Variants in FAR1 observed in about 807,000 individuals in gnomAD.
The protein encoded by FAR1 is male sterility domain-containing protein 2.
Under a neutral mutation model 61.1 loss-of-function variants are expected in FAR1, and 22 were observed. That is an observed-to-expected ratio of 0.36 (90% CI 0.26 to 0.51). The LOEUF is 0.51. Ranked by LOEUF, FAR1 falls within the 20% of genes least tolerant of loss-of-function variation. The probability of loss-of-function intolerance (pLI) is 0.95; values close to 1 mark genes in which losing one functional copy is unlikely to be tolerated. For synonymous variants in FAR1, 206 were observed against 209.7 expected, an observed-to-expected ratio of 0.98 and a Z score of 0.15; for missense variants, 359 against 626.9, an observed-to-expected ratio of 0.57 and a Z score of 4.56.
intron 10 of FAR1, among the ~76,000 whole-genome samples, chr11:13,724,109 G>C (rs1317861866): frequency 6.6e-6 from 1 of 152,080 alleles, no homozygotes; most frequent in Non-Finnish European, 1.5e-5. Flanking sequence ...TTGAAGCCGG[G>C]ATTGAAATTG....
rs2134205552 is a variant in FAR1 at position 13,730,541 on chromosome 11, G to A, written c.*1767G>A. 1 of 152,122 alleles carries A rather than the reference G, an allele frequency of 6.6e-6. No homozygotes were observed. Among genetic ancestry groups the A allele is most frequent in the South Asian group, 2.1e-4 (1 of 4,828 alleles). The allele number at this position is 152,122 out of a possible 1,614,324, so 9.4% of individuals were successfully genotyped here. On this transcript the variant is annotated 3_prime_UTR_variant, in exon 12 of 12. Coordinates refer to ENST00000354817, the MANE Select transcript of FAR1 (RefSeq NM_032228.6). ...ATAATGATGCCTTTTATTTAAAGTGGCCCACATAATATACATTGAGTACTC... is the reference window on the plus strand; with the variant it reads ...ATAATGATGCCTTTTATTTAAAGTGACCCACATAATATACATTGAGTACTC...
rs1039158372 is a variant in FAR1, at chr11:13,729,302, A to G, written c.*528A>G. ...TATTTTCACATCATTCTGTAAGTTA[A>G]ATGATATCAAACATGAAAGAGATGT... On this transcript the variant is annotated 3_prime_UTR_variant, in exon 12 of 12. Transcript: ENST00000354817. The G allele has an allele frequency of 6.6e-6, 1 of 152,062 alleles. No individual in the cohort carries two copies. Among genetic ancestry groups the G allele is most frequent in the African/African-American group, 2.4e-5 (1 of 41,400 alleles). 9.4% of individuals were successfully genotyped at this position (152,062 alleles called of 1,614,324 possible). A position where few individuals can be genotyped will look rare whatever the true frequency, so the allele number is the denominator to read the frequency against.
rs71485207 is a variant in FAR1, at chr11:13,708,434, T to TGCGCGCGC, written c.545+362_545+369dup. On this transcript the variant is annotated intron_variant, in intron 4 of 11. Transcript: ENST00000354817. ...CTCCTCACCCCACCCCATATACATG[T>TGCGCGCGC]GCGCGCGCGCGCGCACACACACACA... Among the ~76,000 whole-genome samples, 136 of 134,404 alleles carry TGCGCGCGC rather than the reference T, an allele frequency of 1.0e-3. 1 individual carries two copies. The highest frequency in any genetic ancestry group is 3.2e-3 in the African/African-American group (114 of 35,940). The allele number at this position is 134,404 out of a possible 152,430, so 88.2% of individuals were successfully genotyped here.
At chr11:13,698,908 GCA>G (rs1848338934) in intron 2 of FAR1, among the ~76,000 whole-genome samples, 1 of 152,042 alleles carries the variant, frequency 6.6e-6, no homozygotes, top group Admixed American at 6.5e-5. Flanking sequence ...GGCTTAAAAG[GCA>G]CAGTTATCTG....
chr11:13,717,542 G>A (rs1438644953), intron 9 of FAR1, among the ~76,000 whole-genome samples: 1 of 152,158 alleles, frequency 6.6e-6, no homozygotes, highest in Non-Finnish European at 1.5e-5. Context: ...TGCCCTCTGA[G>A]TCATCCTTCC....
chr11:13,727,556 A>G lies in FAR1; in HGVS notation c.1258A>G (p.Thr420Ala). Residue 420 changes from threonine to alanine, a missense_variant and splice_region_variant, in exon 11 of 12, where the codon ACC becomes GCC. Coordinates refer to ENST00000354817, the MANE Select transcript of FAR1 (RefSeq NM_032228.6). ...ATCAGTAATTTTTTTGTTAACGTAG[A>G]CCTTCAATATTGATGTACGGCAGTT... ...MNQLNPEDKK[T>A]FNIDVRQLHW... The G allele has an allele frequency of 1.3e-6, 2 of 1,594,016 alleles. No individual in the cohort carries two copies. Among genetic ancestry groups the G allele is most frequent in the Non-Finnish European group, 1.7e-6 (2 of 1,171,896 alleles).
chr11:13,675,640 A>G (rs1289604339), intron 1 of FAR1, among the ~76,000 whole-genome samples: 2 of 152,214 alleles, frequency 1.3e-5, no homozygotes, highest in East Asian at 1.9e-4. Flanking sequence ...AAAGCCTTCT[A>G]AATATCTTAA....
intron 1 of FAR1, among the ~76,000 whole-genome samples, chr11:13,675,971 A>G (rs765167605): frequency 2.2e-4 from 34 of 152,194 alleles, no homozygotes; most frequent in Non-Finnish European, 3.7e-4. Context: ...TTCTCTGAGC[A>G]TCTCCTCAAA....
At position 13,714,491 on chromosome 11, in the gene FAR1, A is replaced by G. The variant is rs750989572; in HGVS notation, c.956-18A>G. On this transcript the variant is annotated intron_variant, in intron 8 of 11. Coordinates refer to ENST00000354817, the MANE Select transcript of FAR1 (RefSeq NM_032228.6). ...ACATGGTTATTATCAAAGCTGTTAC[A>G]CAACTTTTCTTCTTCAGAGTACCAT... 2.1e-5 allele frequency: 34 copies of G among 1,594,768 alleles called. No homozygotes were observed. Among genetic ancestry groups the G allele is most frequent in the African/African-American group, 2.7e-5 (2 of 73,536 alleles).
At position 13,729,993 on chromosome 11, in the gene FAR1, A is replaced by G. The variant is rs1848707180; in HGVS notation, c.*1219A>G. ...TAGAAAGAAATGCGTTATAGAAACAAGTAATAGCAAGAAAATTGATGTATA... is the reference window on the plus strand; with the variant it reads ...TAGAAAGAAATGCGTTATAGAAACAGGTAATAGCAAGAAAATTGATGTATA... On this transcript the variant is annotated 3_prime_UTR_variant, in exon 12 of 12. Transcript: ENST00000354817. 2 of 152,556 alleles carry G rather than the reference A, an allele frequency of 1.3e-5. No individual in the cohort carries two copies. The highest frequency in any genetic ancestry group is 4.1e-4 in the South Asian group (2 of 4,834). The allele number at this position is 152,556 out of a possible 1,614,324, so 9.5% of individuals were successfully genotyped here.
At chr11:13,728,574 A>C (rs1245355582) in intron 11 of FAR1, 38 bp from the exon 12 acceptor site, 4 of 1,570,216 alleles carry the variant, frequency 2.5e-6, no homozygotes, top group Non-Finnish European at 2.6e-6. Flanking sequence ...TTTTTTCTAG[A>C]AAATACTGTC....
At chr11:13,697,263 C>T (rs1178778680) in intron 2 of FAR1, among the ~76,000 whole-genome samples, 1 of 151,954 alleles carries the variant, frequency 6.6e-6, no homozygotes, top group African/African-American at 2.4e-5. Flanking sequence ...AGTTCAAGAC[C>T]AGCCTGGCCA....
chr11:13,710,963 T>A, intron 5 of FAR1, 93 bp downstream of exon 5: 4 of 1,080,236 alleles, frequency 3.7e-6, no homozygotes, highest in Non-Finnish European at 5.4e-6. Flanking sequence ...TAAGAACAGG[T>A]ATTATTTACT....
rs575827640 is a variant in FAR1, at chr11:13,703,740, TACTG to T, written c.365+3251_365+3254del. 7.2e-5 allele frequency among the ~76,000 whole-genome samples: 11 copies of T among 152,128 alleles called. No homozygotes were observed. The East Asian group carries it at 1.9e-3, about 27-fold the overall frequency. On this transcript the variant is annotated intron_variant, in intron 3 of 11. Transcript: ENST00000354817. The stretch of plus-strand genomic sequence containing the variant: ...GATAGGCTTAGGATTCATAAGGAAA[TACTG>T]ACAAAAAGTGTGGGGAGGGCTGGGC...
chr11:13,696,706 A>G (rs1236047403), intron 2 of FAR1, among the ~76,000 whole-genome samples: 16 of 152,208 alleles, frequency 1.1e-4, no homozygotes, highest in Admixed American at 9.8e-4. Flanking sequence ...CTCCTGGCAT[A>G]TCCTACCACT....
chr11:13,716,142 C>T (rs1848553052), intron 9 of FAR1, among the ~76,000 whole-genome samples: 1 of 151,830 alleles, frequency 6.6e-6, no homozygotes, highest in African/African-American at 2.4e-5. Context: ...TGAATGGTGG[C>T]AGTGCATGCT....
intron 1 of FAR1, among the ~76,000 whole-genome samples, chr11:13,674,596 T>G (rs1316913720): frequency 2.0e-5 from 3 of 152,244 alleles, no homozygotes; most frequent in Non-Finnish European, 4.4e-5. Context: ...CTTTTAATCT[T>G]CCTTCTTTCC....
chr11:13,700,701 GGAA>G, intron 3 of FAR1: 1 of 305,762 alleles, frequency 3.3e-6, no homozygotes, highest in East Asian at 5.3e-5. Flanking sequence ...CATGTTTATT[GGAA>G]GAAGTTGCCA....
chr11:13,692,665 A>G (rs572536222), intron 1 of FAR1, among the ~76,000 whole-genome samples: 1 of 152,250 alleles, frequency 6.6e-6, no homozygotes, highest in South Asian at 2.1e-4. Flanking sequence ...AAACCTTGTA[A>G]TCAGGTGACA....
Sources: gnomAD v4.1 joint callset for allele counts (sites outside exome capture counted in the v4.1 genomes callset) on GRCh38, gnomAD v4.1.1 for gene constraint, MANE v1.5 for transcripts, NCBI Gene and HGNC (gene_info 2026-07-23, HGNC 2026-07-21) for gene names.